The following MTHFD2L variants were observed in gnomAD, a reference collection of about 807,000 sequenced individuals.
The protein encoded by MTHFD2L is bifunctional methylenetetrahydrofolate dehydrogenase/cyclohydrolase 2, mitochondrial.
In MTHFD2L, 29 loss-of-function variants were observed where a neutral mutation model predicts 34.9. The ratio of observed to expected loss-of-function variants is 0.83; its 90% CI spans 0.62 to 1.13. MTHFD2L has a LOEUF of 1.13. Among genes scored for constraint, MTHFD2L ranks in the 50% most tolerant of loss-of-function variants. The pLI is 0.00. For synonymous variants in MTHFD2L, 167 were observed against 155.7 expected, an observed-to-expected ratio of 1.07 and a Z score of -0.54; for missense variants, 481 against 446.5, an observed-to-expected ratio of 1.08 and a Z score of -0.70.
intron 3 of MTHFD2L, among the ~76,000 whole-genome samples, chr4:74,198,993 C>T (rs568629016): frequency 2.0e-5 from 3 of 152,118 alleles, no homozygotes; most frequent in South Asian, 2.1e-4. Flanking sequence ...ATGTCTAAAT[C>T]GCATTATATA....
chr4:74,270,592 C>T (rs1192846555), intron 6 of MTHFD2L, among the ~76,000 whole-genome samples: 1 of 152,136 alleles, frequency 6.6e-6, no homozygotes, highest in Admixed American at 6.6e-5. Flanking sequence ...TGGGTTGGTT[C>T]CAAGTCTTTG....
At chr4:74,252,137 T>G (rs1420871856) in intron 6 of MTHFD2L, among the ~76,000 whole-genome samples, 1 of 152,254 alleles carries the variant, frequency 6.6e-6, no homozygotes, top group Non-Finnish European at 1.5e-5. Flanking sequence ...CTACTTGGAA[T>G]AGCAGCACCT....
intron 1 of MTHFD2L, among the ~76,000 whole-genome samples, chr4:74,136,758 A>T (rs1325274050): frequency 1.3e-5 from 2 of 152,156 alleles, no homozygotes; most frequent in African/African-American, 4.8e-5. Context: ...ACAGTATGGT[A>T]CTGGCATAAA....
At chr4:74,170,087 T>C (rs1439064622) in intron 1 of MTHFD2L, among the ~76,000 whole-genome samples, 3 of 152,196 alleles carry the variant, frequency 2.0e-5, no homozygotes, top group African/African-American at 7.2e-5. Context: ...TTACACACTC[T>C]TCCGGAAATT....
intron 3 of MTHFD2L, chr4:74,190,421 G>A (rs1732265364): frequency 2.1e-6 from 2 of 945,820 alleles, no homozygotes; most frequent in Non-Finnish European, 1.3e-6. Context: ...ATCCTATGAA[G>A]TAAGCCTGCC....
At chr4:74,297,783 A>C (rs1218217379) in intron 7 of MTHFD2L, among the ~76,000 whole-genome samples, 1 of 152,096 alleles carries the variant, frequency 6.6e-6, no homozygotes, top group East Asian at 1.9e-4. Flanking sequence ...TTCTCACATG[A>C]CTAATTTTAG....
rs143751850 is a variant in MTHFD2L, at chr4:74,203,364, C to A, written c.712+1994C>A. 4.1e-3 allele frequency among the ~76,000 whole-genome samples: 626 copies of A among 152,182 alleles called. 7 individuals are homozygous for A. Among genetic ancestry groups the A allele is most frequent in the Middle Eastern group, 0.017 (5 of 294 alleles). On this transcript the variant is annotated intron_variant, in intron 5 of 7. Coordinates refer to ENST00000325278, the MANE Select transcript of MTHFD2L (RefSeq NM_001144978.3). ...CTCTCTGTAAATAAAGATAGTGATTCTTATTTGCCTTTATGTAATAATTTC... is the reference window on the plus strand; with the variant it reads ...CTCTCTGTAAATAAAGATAGTGATTATTATTTGCCTTTATGTAATAATTTC...
At chr4:74,121,099 T>C (rs1578212289), upstream of MTHFD2L, among the ~76,000 whole-genome samples, 1 of 152,208 alleles carries the variant, frequency 6.6e-6, no homozygotes, top group East Asian at 1.9e-4. Flanking sequence ...CATGGCCTTC[T>C]TTCTCCCAGC....
chr4:74,231,528 G>T (rs532233655), intron 6 of MTHFD2L, among the ~76,000 whole-genome samples: 6 of 151,932 alleles, frequency 3.9e-5, no homozygotes, highest in Non-Finnish European at 8.8e-5. Flanking sequence ...ATTTGTTATT[G>T]TCCAGCTTGT....
At chr4:74,127,074 T>A (rs928318764) in intron 1 of MTHFD2L, among the ~76,000 whole-genome samples, 2 of 152,158 alleles carry the variant, frequency 1.3e-5, no homozygotes, top group Non-Finnish European at 2.9e-5. Context: ...AAGAGGTGCA[T>A]TCTGCCATGA....
At chr4:74,215,100 A>G (rs1480188359) in intron 5 of MTHFD2L, among the ~76,000 whole-genome samples, 1 of 151,806 alleles carries the variant, frequency 6.6e-6, no homozygotes, top group Non-Finnish European at 1.5e-5. Context: ...CTATGCTGGC[A>G]GTGAGAATTT....
At chr4:74,144,472 AC>A (rs1453769852) in intron 1 of MTHFD2L, among the ~76,000 whole-genome samples, 12 of 152,242 alleles carry the variant, frequency 7.9e-5, no homozygotes, top group African/African-American at 2.9e-4. Flanking sequence ...AAACAAAAAA[AC>A]AAGCTAACAA....
intron 1 of MTHFD2L, among the ~76,000 whole-genome samples, chr4:74,134,151 A>G (rs1042399500): frequency 6.6e-6 from 1 of 152,156 alleles, no homozygotes; most frequent in African/African-American, 2.4e-5. Flanking sequence ...GCCTTAAACC[A>G]CAGGTAGCAC....
At chr4:74,187,187 A>G (rs1333019063) in intron 3 of MTHFD2L, among the ~76,000 whole-genome samples, 1 of 152,196 alleles carries the variant, frequency 6.6e-6, no homozygotes, top group African/African-American at 2.4e-5. Flanking sequence ...TGATGGGCTC[A>G]ACTGTAGACT....
At chr4:74,298,273 A>G (rs1749868738) in intron 7 of MTHFD2L, among the ~76,000 whole-genome samples, 1 of 152,024 alleles carries the variant, frequency 6.6e-6, no homozygotes, top group Admixed American at 6.6e-5. Context: ...ATGCTACTAA[A>G]TGTTTATTAA....
chr4:74,171,363 A>G (rs1171037590), intron 1 of MTHFD2L, among the ~76,000 whole-genome samples: 1 of 152,226 alleles, frequency 6.6e-6, no homozygotes, highest in Non-Finnish European at 1.5e-5. Flanking sequence ...TGACAAGTAT[A>G]TGGAGCAACC....
At chr4:74,256,704 C>T (rs1298424818) in intron 6 of MTHFD2L, among the ~76,000 whole-genome samples, 1 of 152,168 alleles carries the variant, frequency 6.6e-6, no homozygotes, top group Non-Finnish European at 1.5e-5. Context: ...TTGTCATAAT[C>T]AAATGATTGT....
chr4:74,142,695 T>C (rs1317493710), intron 1 of MTHFD2L, among the ~76,000 whole-genome samples: 3 of 152,256 alleles, frequency 2.0e-5, no homozygotes, highest in Non-Finnish European at 4.4e-5. Flanking sequence ...ACTTATTCCA[T>C]GGCTCCAAGT....
chr4:74,136,244 A>T (rs1722921693), intron 1 of MTHFD2L, among the ~76,000 whole-genome samples: 1 of 152,100 alleles, frequency 6.6e-6, no homozygotes, highest in Non-Finnish European at 1.5e-5. Flanking sequence ...TCTACCAAAA[A>T]AAACTGTTAT....
Sources: gnomAD v4.1 joint callset for allele counts (sites outside exome capture counted in the v4.1 genomes callset) on GRCh38, gnomAD v4.1.1 for gene constraint, MANE v1.5 for transcripts, NCBI Gene and HGNC (gene_info 2026-07-23, HGNC 2026-07-21) for gene names.